PIK3C2G: variants seen among roughly 807,000 people sequenced by gnomAD.
The protein encoded by PIK3C2G is phosphatidylinositol-4-phosphate 3-kinase catalytic subunit type 2 gamma.
Under a neutral mutation model 181.1 loss-of-function variants are expected in PIK3C2G, and 168 were observed. The observed-to-expected ratio is 0.93, with a 90% CI of 0.82 to 1.05. The LOEUF (loss-of-function observed/expected upper bound fraction) is 1.05, where lower values mean the gene tolerates loss of function less well. PIK3C2G is among the 50% of genes least tolerant of loss of function. The pLI is 0.00. For synonymous variants in PIK3C2G, 573 were observed against 592.2 expected (o/e 0.97, Z 0.47); for missense variants, 1,869 against 1,732.8 (o/e 1.08, Z -1.40).
chr12:18,559,355 A>G (rs1454832107), intron 26 of PIK3C2G, among the ~76,000 whole-genome samples: 1 of 152,130 alleles, frequency 6.6e-6, no homozygotes, highest in Non-Finnish European at 1.5e-5. Flanking sequence ...GGTGGAGGCA[A>G]ACCATTAAAT....
the PIK3C2G span, among the ~76,000 whole-genome samples, chr12:18,660,822 A>T: frequency 6.6e-6 from 1 of 152,144 alleles, no homozygotes; most frequent in Non-Finnish European, 1.5e-5. Context: ...ACCAACAGAA[A>T]CTGTCCTTCA....
chr12:18,695,137 A>G, the PIK3C2G span: 1 of 1,500,602 alleles, frequency 6.7e-7, no homozygotes, highest in South Asian at 1.1e-5. Flanking sequence ...ATAAAGGAAC[A>G]CAAACCACTT....
intron 16 of PIK3C2G, among the ~76,000 whole-genome samples, chr12:18,408,063 T>A (rs1944638863): frequency 6.6e-6 from 1 of 152,182 alleles, no homozygotes; most frequent in Non-Finnish European, 1.5e-5. Context: ...CTCTTAAAGA[T>A]CACTCTGGTT....
intron 11 of PIK3C2G, among the ~76,000 whole-genome samples, chr12:18,360,910 T>C (rs1941178713): frequency 6.6e-6 from 1 of 152,206 alleles, no homozygotes; most frequent in Non-Finnish European, 1.5e-5. Context: ...TTCATTTTCT[T>C]CCCCAAATTT....
At chr12:18,343,510 A>G in intron 10 of PIK3C2G, 150 bp downstream of exon 10, 1 of 422,706 alleles carries the variant, frequency 2.4e-6, no homozygotes, top group Non-Finnish European at 4.3e-6. Flanking sequence ...TTGAGGAGAA[A>G]GATGCTTTTC....
the PIK3C2G span, among the ~76,000 whole-genome samples, chr12:18,675,786 A>G: frequency 6.6e-6 from 1 of 150,564 alleles, no homozygotes; most frequent in African/African-American, 2.4e-5. Flanking sequence ...CAAATACCAC[A>G]TGTTCTCACT....
chr12:18,351,650 A>G (rs928280522), intron 11 of PIK3C2G, among the ~76,000 whole-genome samples: 1 of 152,220 alleles, frequency 6.6e-6, no homozygotes, highest in Non-Finnish European at 1.5e-5. Flanking sequence ...ACCCCTGGAG[A>G]TAACAAATGT....
intron 18 of PIK3C2G, among the ~76,000 whole-genome samples, chr12:18,452,603 T>C (rs1012370743): frequency 6.6e-6 from 1 of 152,218 alleles, no homozygotes; most frequent in Non-Finnish European, 1.5e-5. Context: ...TCTTGTCTTC[T>C]GCTAGCTTTT....
At chr12:18,456,857 A>G (rs1592307138) in intron 18 of PIK3C2G, among the ~76,000 whole-genome samples, 2 of 152,178 alleles carry the variant, frequency 1.3e-5, no homozygotes, top group Admixed American at 1.3e-4. Flanking sequence ...TTTTACTCTC[A>G]CCAACGGCTG....
chr12:18,527,706 A>T (rs1943318566), intron 24 of PIK3C2G, among the ~76,000 whole-genome samples: 1 of 151,982 alleles, frequency 6.6e-6, no homozygotes, highest in Admixed American at 6.6e-5. Context: ...CAGTTGAAGG[A>T]TCTAATCAGC....
downstream of PIK3C2G, among the ~76,000 whole-genome samples, chr12:18,652,947 GAA>G (rs146591028): frequency 0.018 from 2,725 of 151,728 alleles, 80 homozygotes; most frequent in African/African-American, 0.063. Context: ...GAGAGAGAGA[GAA>G]AGAGAGAGAC....
chr12:18,412,148 T>C (rs931370561), intron 16 of PIK3C2G, among the ~76,000 whole-genome samples: 2 of 152,164 alleles, frequency 1.3e-5, no homozygotes, highest in Non-Finnish European at 2.9e-5. Flanking sequence ...GTAATGACGA[T>C]TCCCAAGTCT....
chr12:18,323,580 A>G (rs933315585), intron 7 of PIK3C2G, among the ~76,000 whole-genome samples: 5 of 151,998 alleles, frequency 3.3e-5, no homozygotes, highest in Admixed American at 1.3e-4. Flanking sequence ...TTTTGGGGAT[A>G]CAATGCTTCC....
rs540735837 is a variant in PIK3C2G, at chr12:18,555,845, A to G, written c.3591-6858A>G. 4.1e-4 allele frequency among the ~76,000 whole-genome samples: 63 copies of G among 152,308 alleles called. No homozygotes were observed. In the Middle Eastern group the frequency reaches 0.01, roughly 25 times the overall value. On this transcript the variant is annotated intron_variant, in intron 26 of 32. Transcript: ENST00000538779. The stretch of plus-strand genomic sequence containing the variant: ...GTGAGAGCAAAGACTAAGGAATCAG[A>G]TAAACATGAGTAGAATTCTTCAGTT...
At chr12:18,664,600 G>A in the PIK3C2G span, among the ~76,000 whole-genome samples, 1 of 152,126 alleles carries the variant, frequency 6.6e-6, no homozygotes, top group Non-Finnish European at 1.5e-5. Flanking sequence ...AATAGTGGTT[G>A]CCAGGTCAGG....
chr12:18,472,451 T>C (rs2135982810), intron 18 of PIK3C2G, among the ~76,000 whole-genome samples: 1 of 152,242 alleles, frequency 6.6e-6, no homozygotes, highest in Non-Finnish European at 1.5e-5. Context: ...ATGTTTACTG[T>C]CTCCCTCTCC....
At chr12:18,661,303 A>G in the PIK3C2G span, among the ~76,000 whole-genome samples, 1 of 152,108 alleles carries the variant, frequency 6.6e-6, no homozygotes, top group Non-Finnish European at 1.5e-5. Flanking sequence ...AAGAAGTTTA[A>G]CGAACTCCAA....
At chr12:18,673,798 C>A in the PIK3C2G span, among the ~76,000 whole-genome samples, 3 of 152,318 alleles carry the variant, frequency 2.0e-5, no homozygotes, top group Admixed American at 2.0e-4. Flanking sequence ...TTCAGCTCCT[C>A]ACAAACTGTT....
downstream of PIK3C2G, among the ~76,000 whole-genome samples, chr12:18,651,620 T>C (rs548604963): frequency 6.6e-6 from 1 of 152,184 alleles, no homozygotes; most frequent in African/African-American, 2.4e-5. Flanking sequence ...CCCAAAGCCC[T>C]CATTCTAGAC....
Sources: allele counts gnomAD v4.1 joint callset (sites outside exome capture counted in the v4.1 genomes callset), GRCh38; gene constraint gnomAD v4.1.1; transcripts MANE v1.5; gene names NCBI Gene and HGNC (gene_info 2026-07-23, HGNC 2026-07-21).